The following NCKAP5 variants were observed in gnomAD, a reference collection of about 807,000 sequenced individuals.
The protein encoded by NCKAP5 is nck-associated protein 5.
NCKAP5 carries 92 observed loss-of-function variants against 167.0 expected under a neutral mutation model. The ratio of observed to expected loss-of-function variants is 0.55; its 90% CI spans 0.47 to 0.66. The LOEUF (loss-of-function observed/expected upper bound fraction) is 0.66, where lower values mean the gene tolerates loss of function less well. NCKAP5 is among the 30% of genes least tolerant of loss of function. NCKAP5 has a pLI of 0.00. For missense variants in NCKAP5, 2,378 were observed against 2,315.0 expected, an observed-to-expected ratio of 1.03 and a Z score of -0.56; for synonymous variants, 891 against 877.4, an observed-to-expected ratio of 1.02 and a Z score of -0.27.
At chr2:132,889,334 T>C (rs1692497178) in intron 8 of NCKAP5, among the ~76,000 whole-genome samples, 1 of 152,190 alleles carries the variant, frequency 6.6e-6, no homozygotes, top group African/African-American at 2.4e-5. Context: ...AATAAATAAG[T>C]GGAACAGTCA....
chr2:133,174,999 T>C (rs182169152), intron 5 of NCKAP5, among the ~76,000 whole-genome samples: 444 of 152,262 alleles, frequency 2.9e-3, no homozygotes, highest in Non-Finnish European at 4.5e-3. Context: ...AATGTATGAG[T>C]GTCTGTTTTC....
intron 6 of NCKAP5, among the ~76,000 whole-genome samples, chr2:133,007,879 A>C (rs1474682917): frequency 6.6e-6 from 1 of 152,206 alleles, no homozygotes; most frequent in Non-Finnish European, 1.5e-5. Flanking sequence ...TCACTGCCTC[A>C]TTCAACAGCT....
chr2:132,767,466 G>A (rs1681606471), intron 16 of NCKAP5, among the ~76,000 whole-genome samples: 1 of 152,028 alleles, frequency 6.6e-6, no homozygotes, highest in Admixed American at 6.5e-5. Flanking sequence ...GGCTGGTCTC[G>A]AACTCCTGAC....
At chr2:132,910,382 C>A (rs148872280) in intron 8 of NCKAP5, among the ~76,000 whole-genome samples, 2 of 152,136 alleles carry the variant, frequency 1.3e-5, no homozygotes, top group Non-Finnish European at 2.9e-5. Flanking sequence ...TGTACCCACC[C>A]ATTAACCATC....
intron 3 of NCKAP5, among the ~76,000 whole-genome samples, chr2:133,470,648 C>G (rs2151279084): frequency 2.0e-5 from 3 of 152,330 alleles, no homozygotes; most frequent in Admixed American, 2.0e-4. Flanking sequence ...GACTGCTGTG[C>G]TAGTAATCAG....
At chr2:133,221,291 C>T (rs980936302) in intron 4 of NCKAP5, among the ~76,000 whole-genome samples, 2 of 152,164 alleles carry the variant, frequency 1.3e-5, no homozygotes, top group African/African-American at 4.8e-5. Context: ...CCATAATACT[C>T]TCCATACAAA....
chr2:133,532,144 C>A (rs1296819095), intron 2 of NCKAP5, among the ~76,000 whole-genome samples: 3 of 152,194 alleles, frequency 2.0e-5, no homozygotes, highest in African/African-American at 7.2e-5. Context: ...GTTATAGCAG[C>A]AAGATTTATC....
chr2:132,869,563 T>C (rs12464177), intron 9 of NCKAP5, among the ~76,000 whole-genome samples: 78,429 of 151,914 alleles, frequency 0.52, 20,624 homozygotes, highest in East Asian at 0.71. Flanking sequence ...ATTTTTTCCC[T>C]TCTTCCTGAG....
intron 6 of NCKAP5, among the ~76,000 whole-genome samples, chr2:133,035,076 C>A (rs1463134246): frequency 1.3e-5 from 2 of 151,852 alleles, no homozygotes; most frequent in African/African-American, 4.8e-5. Context: ...AAAAGATATT[C>A]CATGCCAAAG....
At chr2:132,920,771 G>GTATGTATGTATGTGTGTGTATATATATA (rs1553479343) in intron 8 of NCKAP5, among the ~76,000 whole-genome samples, 1 of 31,570 alleles carries the variant, frequency 3.2e-5, no homozygotes, top group African/African-American at 1.1e-4. Context: ...ATATATGTAT[G>GTATGTATGTATGTGTGTGTATATATATA]TATATATATA....
chr2:133,532,265 T>A (rs1162433759), intron 2 of NCKAP5, among the ~76,000 whole-genome samples: 1 of 152,206 alleles, frequency 6.6e-6, no homozygotes, highest in Admixed American at 6.5e-5. Flanking sequence ...TTGTCTTACA[T>A]TTTTTACCAT....
chr2:133,120,144 C>A (rs973268093), intron 6 of NCKAP5, among the ~76,000 whole-genome samples: 37 of 152,126 alleles, frequency 2.4e-4, no homozygotes, highest in Admixed American at 2.4e-3. Flanking sequence ...CAGGTGAAAA[C>A]CTTTGGTCAG....
chr2:132,741,118 T>C (rs1031496381), intron 16 of NCKAP5, among the ~76,000 whole-genome samples: 2 of 152,062 alleles, frequency 1.3e-5, no homozygotes, highest in Non-Finnish European at 2.9e-5. Context: ...TATACAGCTG[T>C]TATAGCCTCT....
At chr2:133,607,000 C>T in the NCKAP5 span, among the ~76,000 whole-genome samples, 4 of 152,150 alleles carry the variant, frequency 2.6e-5, no homozygotes, top group African/African-American at 7.2e-5. Flanking sequence ...AGAAAGGTTG[C>T]TGTGGGAGCT....
intron 4 of NCKAP5, among the ~76,000 whole-genome samples, chr2:133,232,916 G>A (rs1364477174): frequency 1.3e-5 from 2 of 152,166 alleles, no homozygotes. Context: ...TATAATCTGA[G>A]TGTATAGATG....
chr2:133,597,338 C>T, the NCKAP5 span, among the ~76,000 whole-genome samples: 1 of 152,274 alleles, frequency 6.6e-6, no homozygotes, highest in African/African-American at 2.4e-5. Context: ...GCAGGTGATC[C>T]TGATGGATGC....
the NCKAP5 span, among the ~76,000 whole-genome samples, chr2:133,593,744 T>C: frequency 6.6e-6 from 1 of 152,216 alleles, no homozygotes; most frequent in Admixed American, 6.5e-5. Flanking sequence ...AGAATCACAT[T>C]ATGTGATTAT....
chr2:133,375,436 A>G lies in NCKAP5; in HGVS notation c.70-72326T>C, dbSNP rs1686076989. ...CTGGATAACAAGCCAATATTTTTTT[A>G]AACTTTTATTTTAAGTTCATGGGTA... is the stretch of plus-strand genomic sequence containing the variant. On this transcript the variant is annotated intron_variant, in intron 3 of 19. Coordinates refer to ENST00000409261, the MANE Select transcript of NCKAP5 (RefSeq NM_207363.3). 2.6e-5 allele frequency among the ~76,000 whole-genome samples: 4 copies of G among 152,330 alleles called. No individual in the cohort carries two copies. In the South Asian group the frequency reaches 6.2e-4, roughly 24 times the overall value.
intron 3 of NCKAP5, among the ~76,000 whole-genome samples, chr2:133,375,322 T>C (rs1686070223): frequency 1.3e-5 from 2 of 152,190 alleles, no homozygotes; most frequent in South Asian, 4.1e-4. Flanking sequence ...ACAATGTGGG[T>C]TAGAGATGAT....
Sources: allele counts gnomAD v4.1 joint callset (sites outside exome capture counted in the v4.1 genomes callset), GRCh38; gene constraint gnomAD v4.1.1; transcripts MANE v1.5; gene names NCBI Gene and HGNC (gene_info 2026-07-23, HGNC 2026-07-21).